The following MAP3K2 variants were observed in gnomAD, a reference collection of about 807,000 sequenced individuals.
The protein encoded by MAP3K2 is mitogen-activated protein kinase kinase kinase 2.
A neutral mutation model predicts 80.3 loss-of-function variants in MAP3K2; 24 were observed. The ratio of observed to expected loss-of-function variants is 0.30; its 90% CI spans 0.22 to 0.42. The LOEUF (loss-of-function observed/expected upper bound fraction) is 0.42. Ranked by LOEUF, MAP3K2 falls within the 10% of genes least tolerant of loss-of-function variation. The pLI, the probability that MAP3K2 is intolerant of heterozygous loss-of-function variation, is 1.00. For synonymous variants in MAP3K2, 244 were observed against 253.7 expected (o/e 0.96, Z 0.36); for missense variants, 608 against 750.1 (o/e 0.81, Z 2.21).
In MAP3K2 at chr2:127,387,483, G is replaced by A. The variant is rs1490973599; in HGVS notation, c.-97C>T. 2.0e-5 allele frequency: 20 copies of A among 984,738 alleles called. No individual in the cohort carries two copies. The highest frequency in any genetic ancestry group is 2.4e-5 in the Non-Finnish European group (20 of 829,964). The allele number at this position is 984,738 out of a possible 1,614,324, so 61.0% of individuals were successfully genotyped here. On this transcript the variant is annotated 5_prime_UTR_variant, in exon 1 of 17. Coordinates refer to ENST00000682094, the MANE Select transcript of MAP3K2 (RefSeq NM_001371910.2). ...CTCCGCAGGGACGTAGAGAGCCGCA[G>A]GCCCAAGGAGGGGCCGCCCCCGCCG... is the stretch of plus-strand genomic sequence containing the variant.
intron 3 of MAP3K2, 118 bp downstream of exon 3, chr2:127,338,814 A>G: frequency 2.9e-6 from 2 of 685,022 alleles, no homozygotes; most frequent in Non-Finnish European, 4.9e-6. Flanking sequence ...TGTGTAACAA[A>G]CACTAACAAA....
intron 1 of MAP3K2, among the ~76,000 whole-genome samples, chr2:127,352,367 ACT>A (rs1433605752): frequency 6.6e-6 from 1 of 152,006 alleles, no homozygotes; most frequent in Non-Finnish European, 1.5e-5. Flanking sequence ...ATGGCAATGC[ACT>A]CTCACGAGTC....
At position 127,314,865 on chromosome 2, in the gene MAP3K2, A is replaced by G. The variant is rs778107659; in HGVS notation, c.1345T>C (p.Leu449=). Residue 449 remains leucine (L), a synonymous_variant, in exon 15 of 17, where the codon TTA becomes CTA. Transcript: ENST00000682094. ...YMPGGSIKDQ[L]KAYGALTENV... ...TCAGTAAGAGCGCCATATGCTTTTA[A>G]TTGGTCCTTAATTGAACCCTAGGAG... 3 of 1,607,246 alleles carry G rather than the reference A, an allele frequency of 1.9e-6. No individual in the cohort carries two copies. The highest frequency in any genetic ancestry group is 2.7e-5 in the African/African-American group (2 of 74,744).
chr2:127,354,496 C>T (rs1419035714), intron 1 of MAP3K2, among the ~76,000 whole-genome samples: 4 of 151,938 alleles, frequency 2.6e-5, no homozygotes, highest in African/African-American at 7.3e-5. Context: ...ACTGGAAAAC[C>T]TCAAAATTCA....
rs897139234 is a variant in MAP3K2 at position 127,362,848 on chromosome 2, A to G, written c.-65-19654T>C. ...AGTGAACATTTAAAAAATAGCTAAC[A>G]TTTATTAGGTTCAGAATTTGAGCCC... On this transcript the variant is annotated intron_variant, in intron 1 of 16. Coordinates refer to ENST00000682094, the MANE Select transcript of MAP3K2 (RefSeq NM_001371910.2). Among the ~76,000 whole-genome samples, 17 of 152,324 alleles carry G rather than the reference A, an allele frequency of 1.1e-4. No individual in the cohort carries two copies. The South Asian group carries it at 3.5e-3, about 32-fold the overall frequency.
chr2:127,308,531 T>G, intron 16 of MAP3K2, 54 bp downstream of exon 16: 1 of 1,452,622 alleles, frequency 6.9e-7, no homozygotes, highest in Non-Finnish European at 9.3e-7. Context: ...CAATCCCAGG[T>G]GGAAATACAT....
chr2:127,355,162 T>C (rs1050725008), intron 1 of MAP3K2, among the ~76,000 whole-genome samples: 5 of 152,062 alleles, frequency 3.3e-5, no homozygotes, highest in South Asian at 4.1e-4. Flanking sequence ...TGTTTGGAAT[T>C]TGACAGAAAC....
intron 5 of MAP3K2, among the ~76,000 whole-genome samples, chr2:127,333,563 T>G (rs1411548551): frequency 6.6e-6 from 1 of 152,164 alleles, no homozygotes; most frequent in Non-Finnish European, 1.5e-5. Flanking sequence ...TCCAAGATCA[T>G]GCATTTGGTT....
intron 1 of MAP3K2, among the ~76,000 whole-genome samples, chr2:127,372,480 A>G (rs1687082203): frequency 6.6e-6 from 1 of 152,214 alleles, no homozygotes; most frequent in South Asian, 2.1e-4. Flanking sequence ...AACTAGCCAG[A>G]AACTTGTCCT....
chr2:127,388,242 A>G (rs573488755), upstream of MAP3K2: 81 of 863,402 alleles, frequency 9.4e-5, no homozygotes, highest in Non-Finnish European at 1.0e-4. Flanking sequence ...CGCGGCGCAT[A>G]CGCACCTGGG....
chr2:127,343,138 A>T lies in MAP3K2; in HGVS notation c.-9T>A, dbSNP rs1166941201. 1 of 1,553,606 alleles carries T rather than the reference A, an allele frequency of 6.4e-7. No homozygotes were observed. The highest frequency in any genetic ancestry group is 1.2e-5 in the South Asian group (1 of 83,840). On this transcript the variant is annotated 5_prime_UTR_variant, in exon 2 of 17. Coordinates refer to ENST00000682094, the MANE Select transcript of MAP3K2 (RefSeq NM_001371910.2). ...AGTTTGAACTCACCCATTATGGCAA[A>T]CAGCTCAACAATTTGAAAATTAGGA...
chr2:127,338,570 T>A (rs1010224618), intron 3 of MAP3K2, among the ~76,000 whole-genome samples: 8 of 152,170 alleles, frequency 5.3e-5, no homozygotes, highest in African/African-American at 1.9e-4. Flanking sequence ...CACTTATAAC[T>A]GAGAACATGT....
rs531137681 is a variant in MAP3K2, at chr2:127,310,005, T to C, written c.1457-1243A>G. Among the ~76,000 whole-genome samples the C allele has an allele frequency of 1.3e-5, 2 of 152,248 alleles. No individual in the cohort carries two copies. Among genetic ancestry groups the C allele is most frequent in the South Asian group, 4.2e-4 (2 of 4,818 alleles). On this transcript the variant is annotated intron_variant, in intron 15 of 16. Coordinates refer to ENST00000682094, the MANE Select transcript of MAP3K2 (RefSeq NM_001371910.2). This position sits in a 1 kb window ranked among gnomAD's most constrained non-coding sequence, Gnocchi z 4.8. Reference sequence around the variant, plus strand: ...CAGGCTGAGTAGCTACATAAATTATTTGGAGTTATGCTGCAGAAGAGATTT... The same window carrying C: ...CAGGCTGAGTAGCTACATAAATTATCTGGAGTTATGCTGCAGAAGAGATTT...
chr2:127,379,689 T>C (rs1373025505), intron 1 of MAP3K2, among the ~76,000 whole-genome samples: 1 of 152,230 alleles, frequency 6.6e-6, no homozygotes. Context: ...TGTCAAAGAA[T>C]GTTTTTATAT....
intron 1 of MAP3K2, among the ~76,000 whole-genome samples, chr2:127,363,031 C>T (rs761593373): frequency 2.0e-5 from 3 of 152,126 alleles, no homozygotes; most frequent in Non-Finnish European, 4.4e-5. Context: ...CAATAATTTA[C>T]ACAGCACTTA....
At chr2:127,384,076 TA>T (rs1307251929) in intron 1 of MAP3K2, among the ~76,000 whole-genome samples, 1 of 151,790 alleles carries the variant, frequency 6.6e-6, no homozygotes. Context: ...TTTGTATTTT[TA>T]GTAAAGACGG....
rs1558970342 is a variant in MAP3K2 at position 127,303,239 on chromosome 2, G to A, written c.*4340C>T. 1 of 151,440 alleles carries A rather than the reference G, an allele frequency of 6.6e-6. No individual in the cohort carries two copies. The highest frequency in any genetic ancestry group is 6.6e-5 in the Admixed American group (1 of 15,174). 9.4% of individuals were successfully genotyped at this position (151,440 alleles called of 1,614,324 possible). ...TGATCTTAGTATAAATAACACTGTT[G>A]ACAGAGTTCAATTTCTATCAAATGT... On this transcript the variant is annotated 3_prime_UTR_variant, in exon 17 of 17. Transcript: ENST00000682094.
intron 5 of MAP3K2, among the ~76,000 whole-genome samples, chr2:127,333,125 C>A (rs1449328675): frequency 8.2e-5 from 11 of 134,778 alleles, no homozygotes; most frequent in Admixed American, 3.8e-4. Flanking sequence ...GCGGGAGATG[C>A]TGTCTCAAAA....
At chr2:127,360,188 A>G (rs933017712) in intron 1 of MAP3K2, among the ~76,000 whole-genome samples, 10 of 152,256 alleles carry the variant, frequency 6.6e-5, no homozygotes, top group African/African-American at 1.9e-4. Context: ...ATTCAGCAAT[A>G]AACAGAAATA....
Sources: allele counts gnomAD v4.1 joint callset (sites outside exome capture counted in the v4.1 genomes callset), GRCh38; gene constraint gnomAD v4.1.1; non-coding constraint Gnocchi (gnomAD v3.1); transcripts MANE v1.5; gene names NCBI Gene and HGNC (gene_info 2026-07-23, HGNC 2026-07-21).